Variants in TYK2 observed in about 807,000 individuals in gnomAD.
TYK2 encodes tyrosine kinase 2.
TYK2 carries 65 observed loss-of-function variants against 130.9 expected under a neutral mutation model. The ratio of observed to expected loss-of-function variants is 0.50; its 90% CI spans 0.41 to 0.61. TYK2 has a LOEUF of 0.61. TYK2 is among the 20% of genes least tolerant of loss of function. The pLI, the probability that TYK2 is intolerant of heterozygous loss-of-function variation, is 0.00. For missense variants in TYK2, 1,378 were observed against 1,610.7 expected, an observed-to-expected ratio of 0.86 and a Z score of 2.47; for synonymous variants, 647 against 658.9, an observed-to-expected ratio of 0.98 and a Z score of 0.28.
chr19:10,367,993 G>A (rs1172660455), intron 5 of TYK2, 62 bp downstream of exon 5: 1 of 1,591,138 alleles, frequency 6.3e-7, no homozygotes, highest in Non-Finnish European at 8.6e-7. Flanking sequence ...AGGGAAATGG[G>A]GGCTCCTCAA....
At chr19:10,355,960 C>CA (rs1250254612) in intron 18 of TYK2, among the ~76,000 whole-genome samples, 2 of 142,816 alleles carry the variant, frequency 1.4e-5, no homozygotes, top group African/African-American at 5.2e-5. Flanking sequence ...GACTCCGTCT[C>CA]AAAAAAAAGA....
Position 10,353,102 on chromosome 19 carries a change from G to C in TYK2, c.3028-4C>G, listed in dbSNP as rs755053371. The C allele has an allele frequency of 6.6e-7, 1 of 1,524,866 alleles. No homozygotes were observed. Among genetic ancestry groups the C allele is most frequent in the African/African-American group, 1.4e-5 (1 of 72,702 alleles). The allele number at this position is 1,524,866 out of a possible 1,614,324, so 94.5% of individuals were successfully genotyped here. ...GCGCGTGCAGATAGGCCATGCCCTG[G>C]GGACGGGGCAGGGCTCGTGAGTTTC... On this transcript the variant is annotated splice_region_variant and splice_polypyrimidine_tract_variant and intron_variant, in intron 21 of 24. Coordinates refer to ENST00000525621, the MANE Select transcript of TYK2 (RefSeq NM_003331.5). The surrounding 1 kb of genome is among the most constrained non-coding windows in gnomAD (Gnocchi z 6.9).
intron 3 of TYK2, among the ~76,000 whole-genome samples, chr19:10,376,201 T>C (rs1599366470): frequency 7.3e-6 from 1 of 137,252 alleles, no homozygotes; most frequent in East Asian, 2.2e-4. Flanking sequence ...TTAGTAGAGA[T>C]GCGGTTTCAC....
chr19:10,369,286 C>T lies in TYK2; in HGVS notation c.194-868G>A, dbSNP rs142410097. ...GCTGTCTCCCCCTGGACATCACAGG[C>T]CCCCCCTTAGATATGGCTTGTTCCA... On this transcript the variant is annotated intron_variant, in intron 3 of 24. Coordinates refer to ENST00000525621, the MANE Select transcript of TYK2 (RefSeq NM_003331.5). Among the ~76,000 whole-genome samples the T allele has an allele frequency of 2.6e-3, 394 of 152,136 alleles. 2 individuals carry two copies. Among genetic ancestry groups the T allele is most frequent in the African/African-American group, 9.0e-3 (375 of 41,526 alleles).
Position 10,361,721 on chromosome 19 carries a change from G to A in TYK2, c.1959+49C>T, listed in dbSNP as rs373261541. On this transcript the variant is annotated intron_variant, in intron 13 of 24. Coordinates refer to ENST00000525621, the MANE Select transcript of TYK2 (RefSeq NM_003331.5). This position sits in a 1 kb window ranked among gnomAD's most constrained non-coding sequence, Gnocchi z 4.0. Reference sequence around the variant, plus strand: ...ACACCCCTCCCATCCCACCTCCTCCGGCCACCTCCTCCACAGACACACCCC... The same window carrying A: ...ACACCCCTCCCATCCCACCTCCTCCAGCCACCTCCTCCACAGACACACCCC... 2.0e-5 allele frequency: 26 copies of A among 1,289,056 alleles called. No homozygotes were observed. Among genetic ancestry groups the A allele is most frequent in the South Asian group, 7.1e-5 (6 of 84,776 alleles). 79.9% of individuals were successfully genotyped at this position (1,289,056 alleles called of 1,614,324 possible).
chr19:10,366,270 G>T, intron 6 of TYK2, 147 bp downstream of exon 6: 1 of 823,466 alleles, frequency 1.2e-6, no homozygotes. Flanking sequence ...TTGCGCCACT[G>T]TACTCCAGCC....
In TYK2 at chr19:10,365,015, C is replaced by T; in HGVS notation, c.1045G>A (p.Ala349Thr). 2.5e-6 allele frequency: 4 copies of T among 1,609,462 alleles called. No individual in the cohort carries two copies. Among genetic ancestry groups the T allele is most frequent in the Non-Finnish European group, 3.4e-6 (4 of 1,177,822 alleles). ...TTGGCCTTCTTCCCAAACAGGCTGG[C>T]TTGGGGGTTCCTGCCACTGCTGCCA... ...SSGSSGRNPQ[A>T]SLFGKKAKAH... Residue 349 changes from alanine (A) to threonine (T), a missense_variant, in exon 8 of 25, where the codon GCC (alanine) becomes ACC (threonine). Ala to Thr is a moderately conservative substitution (Grantham distance 58). Coordinates refer to ENST00000525621, the MANE Select transcript of TYK2 (RefSeq NM_003331.5).
At chr19:10,358,623 T>C (rs1764169242) in intron 15 of TYK2, among the ~76,000 whole-genome samples, 1 of 152,142 alleles carries the variant, frequency 6.6e-6, no homozygotes, top group African/African-American at 2.4e-5. Context: ...TGGCTAATTT[T>C]TTTTGTATTT....
Position 10,352,969 on chromosome 19 carries a change from C to T in TYK2, c.3157G>A (p.Glu1053Lys), listed in dbSNP as rs752395240. 1 of 1,607,074 alleles carries T rather than the reference C, an allele frequency of 6.2e-7. No homozygotes were observed. The highest frequency in any genetic ancestry group is 8.5e-7 in the Non-Finnish European group (1 of 1,176,354). Residue 1053 changes from glutamate to lysine, a missense_variant, in exon 22 of 25, where the codon GAG becomes AAG. By Grantham distance (56) the Glu-to-Lys change is moderately conservative (BLOSUM62 1). Transcript: ENST00000525621. The stretch of plus-strand genomic sequence containing the variant: ...CCATCCTCGCGCACGCGGTAGTACT[C>T]GTGGCCTTCGGGCACGGCCTTGGCT... Reference protein sequence around the residue: ...GLAKAVPEGHEYYRVREDGDS... With the variant: ...GLAKAVPEGHKYYRVREDGDS...
At chr19:10,378,826 T>C (rs987179141) in intron 2 of TYK2, among the ~76,000 whole-genome samples, 2 of 144,238 alleles carry the variant, frequency 1.4e-5, no homozygotes, top group Non-Finnish European at 1.5e-5. Flanking sequence ...ACAAGACGTT[T>C]TATTTTATAT....
chr19:10,357,306 T>C, intron 17 of TYK2: 1 of 590,144 alleles, frequency 1.7e-6, no homozygotes, highest in Admixed American at 3.0e-5. Flanking sequence ...GGAGAATCGC[T>C]TGAACCCAGG....
chr19:10,352,867 C>T, intron 22 of TYK2, 59 bp downstream of exon 22: 1 of 1,528,602 alleles, frequency 6.5e-7, no homozygotes, highest in Non-Finnish European at 8.8e-7. Flanking sequence ...TCCGTCTACT[C>T]CACCCTGCCT....
intron 3 of TYK2, among the ~76,000 whole-genome samples, chr19:10,373,039 A>AC (rs1555721623): frequency 1.5e-5 from 2 of 133,308 alleles, no homozygotes; most frequent in Non-Finnish European, 3.3e-5. Flanking sequence ...AATTTTTTGT[A>AC]TTTTTTTTTT....
In TYK2 at chr19:10,362,155, C is replaced by G. The variant is rs1269197445; in HGVS notation, c.1696G>C (p.Gly566Arg). The G allele has an allele frequency of 6.2e-7, 1 of 1,614,032 alleles. No homozygotes were observed. The highest frequency in any genetic ancestry group is 1.1e-5 in the South Asian group (1 of 91,090). The stretch of plus-strand genomic sequence containing the variant: ...AGTGTCCTGGGGCTGGCCCGAGCCC[C>G]CCGCATGATGATGAGATTGGAGGTT... ...GETSNLIIMR[G>R]ARASPRTLNL... The change falls in exon 12 of 25, where the codon GGG becomes CGG. Residue 566 changes from glycine to arginine, a missense_variant. Physicochemically the swap from Gly to Arg is moderately radical, Grantham distance 125. Transcript: ENST00000525621.
At chr19:10,358,902 A>C (rs1054177892) in intron 15 of TYK2, among the ~76,000 whole-genome samples, 1 of 151,884 alleles carries the variant, frequency 6.6e-6, no homozygotes, top group Admixed American at 6.6e-5. Flanking sequence ...ATCTCTACTA[A>C]AAATACAAAA....
At chr19:10,367,270 T>C (rs1382094426) in intron 5 of TYK2, among the ~76,000 whole-genome samples, 2 of 152,098 alleles carry the variant, frequency 1.3e-5, no homozygotes, top group Non-Finnish European at 2.9e-5. Context: ...ACACCCCTCC[T>C]CTTGTCAATC....
chr19:10,377,330 GGA>G (rs2042156064), intron 3 of TYK2, among the ~76,000 whole-genome samples: 2 of 119,600 alleles, frequency 1.7e-5, no homozygotes, highest in African/African-American at 3.8e-5. Flanking sequence ...ACGGGTGGAT[GGA>G]TGGATGGATG....
intron 3 of TYK2, among the ~76,000 whole-genome samples, chr19:10,373,210 G>A (rs1281197509): frequency 6.6e-6 from 1 of 151,320 alleles, no homozygotes; most frequent in African/African-American, 2.4e-5. Context: ...CTAATTTTTT[G>A]TATTTTCAGT....
rs535505855 is a variant in TYK2, at chr19:10,362,723, A to C, written c.1368-66T>G. 1.4e-5 allele frequency: 19 copies of C among 1,357,726 alleles called. No individual in the cohort carries two copies. The African/African-American group carries it at 2.6e-4, about 19-fold the overall frequency. 84.1% of individuals were successfully genotyped at this position (1,357,726 alleles called of 1,614,324 possible). On this transcript the variant is annotated intron_variant, in intron 9 of 24. Coordinates refer to ENST00000525621, the MANE Select transcript of TYK2 (RefSeq NM_003331.5). ...CACTCTGGACCCATACCCGGGAACA[A>C]TGACACTCATTACCTACTTAGAGGG... is the stretch of plus-strand genomic sequence containing the variant.
Sources: allele counts gnomAD v4.1 joint callset (sites outside exome capture counted in the v4.1 genomes callset), GRCh38; gene constraint gnomAD v4.1.1; non-coding constraint Gnocchi (gnomAD v3.1); transcripts MANE v1.5; gene names NCBI Gene and HGNC (gene_info 2026-07-23, HGNC 2026-07-21).